Variants in MTERF4 observed in about 807,000 individuals in gnomAD.
MTERF4 encodes transcription termination factor 4, mitochondrial.
In MTERF4, 17 loss-of-function variants were observed where a neutral mutation model predicts 22.5. That is an observed-to-expected ratio of 0.75 (90% CI 0.52 to 1.13). The LOEUF is 1.13. Among genes scored for constraint, MTERF4 ranks in the 50% most tolerant of loss-of-function variants. The probability of loss-of-function intolerance (pLI) is 0.00; values close to 1 mark genes in which losing one functional copy is unlikely to be tolerated. For missense variants in MTERF4, 420 were observed against 466.8 expected, an observed-to-expected ratio of 0.90 and a Z score of 0.92; for synonymous variants, 165 against 175.3, an observed-to-expected ratio of 0.94 and a Z score of 0.47.
At chr2:241,078,690 A>C (rs1206704699) in intron 4 of MTERF4, among the ~76,000 whole-genome samples, 1 of 151,874 alleles carries the variant, frequency 6.6e-6, no homozygotes, top group Admixed American at 6.5e-5. Context: ...TTTCTTTCTG[A>C]GGTCACGAAA....
At chr2:241,079,329 A>G (rs1165953542) in intron 4 of MTERF4, among the ~76,000 whole-genome samples, 2 of 141,362 alleles carry the variant, frequency 1.4e-5, no homozygotes, top group East Asian at 2.2e-4. Flanking sequence ...GGAGAATGGC[A>G]TGAACCCAGG....
chr2:241,053,291 C>A, the MTERF4 span: 1 of 1,598,456 alleles, frequency 6.3e-7, no homozygotes. Context: ...GTCTGCCAGC[C>A]ACACGGTGTC....
At chr2:241,058,143 A>G in the MTERF4 span, among the ~76,000 whole-genome samples, 13 of 152,348 alleles carry the variant, frequency 8.5e-5, no homozygotes, top group Admixed American at 7.8e-4. Context: ...CGTATTAGCT[A>G]TATTACTATC....
the MTERF4 span, among the ~76,000 whole-genome samples, chr2:241,057,380 A>AAAAAAAATATATATATATAT: frequency 5.9e-5 from 7 of 118,108 alleles, no homozygotes; most frequent in African/African-American, 2.7e-4. Flanking sequence ...TCCATCTCAA[A>AAAAAAAATATATATATATAT]ATATATATAT....
the MTERF4 span, among the ~76,000 whole-genome samples, chr2:241,054,440 A>G: frequency 6.6e-6 from 1 of 152,196 alleles, no homozygotes; most frequent in South Asian, 2.1e-4. Flanking sequence ...GTGGTGGCAC[A>G]TGCCTGTAGT....
chr2:241,059,524 C>A, the MTERF4 span, among the ~76,000 whole-genome samples: 1 of 152,138 alleles, frequency 6.6e-6, no homozygotes, highest in East Asian at 1.9e-4. Context: ...AACATAGACA[C>A]AACAATCCAA....
downstream of MTERF4, among the ~76,000 whole-genome samples, chr2:241,068,630 TCTGGCCTCTCCCAG>T (rs2062567700): frequency 6.6e-6 from 1 of 151,892 alleles, no homozygotes; most frequent in African/African-American, 2.4e-5. The surrounding 1 kb of genome is among the most constrained non-coding windows in gnomAD (Gnocchi z 5.3). Context: ...TTCCCCCTTC[TCTGGCCTCTCCCAG>T]CTGAACACCG....
chr2:241,082,875 T>G (rs1348498669), downstream of MTERF4, among the ~76,000 whole-genome samples: 2 of 152,164 alleles, frequency 1.3e-5, no homozygotes, highest in African/African-American at 4.8e-5. Flanking sequence ...GGTCACACAG[T>G]CCATTTAGTC....
At position 241,101,651 on chromosome 2, in the gene MTERF4, G is replaced by A. The variant is rs1380092274; in HGVS notation, c.21+602C>T. ...ACCTGGCAGTCGCTGGGGTCAGCGG[G>A]CGCGGCCCGTGGAACTGGGCTCAAG... On this transcript the variant is annotated intron_variant, in intron 1 of 3. Transcript: ENST00000391980. 2.0e-5 allele frequency among the ~76,000 whole-genome samples: 3 copies of A among 152,270 alleles called. No individual in the cohort carries two copies. In the East Asian group the frequency reaches 5.8e-4, roughly 29 times the overall value.
the MTERF4 span, among the ~76,000 whole-genome samples, chr2:241,061,257 A>T: frequency 3.3e-5 from 5 of 152,350 alleles, no homozygotes; most frequent in East Asian, 9.6e-4. Context: ...AGGCCAACAA[A>T]CATAAAAAGA....
chr2:241,068,221 A>C (rs1248970409), downstream of MTERF4, among the ~76,000 whole-genome samples: 1 of 152,178 alleles, frequency 6.6e-6, no homozygotes, highest in African/African-American at 2.4e-5. This position sits in a 1 kb window ranked among gnomAD's most constrained non-coding sequence, Gnocchi z 5.3. Context: ...ATCCGGGGGC[A>C]CACTTTCCAC....
intron 4 of MTERF4, chr2:241,081,854 C>G: frequency 7.1e-6 from 9 of 1,275,172 alleles, no homozygotes; most frequent in Non-Finnish European, 1.0e-5. Flanking sequence ...CAGCCTAGGA[C>G]TGCTGGGCCA....
intron 1 of MTERF4, among the ~76,000 whole-genome samples, chr2:241,101,650 G>A: frequency 6.6e-6 from 1 of 152,256 alleles, no homozygotes; most frequent in Non-Finnish European, 1.5e-5. Context: ...GGGGTCAGCG[G>A]GCGCGGCCCG....
chr2:241,086,876 C>T (rs572140135), downstream of MTERF4, among the ~76,000 whole-genome samples: 4 of 152,204 alleles, frequency 2.6e-5, no homozygotes, highest in African/African-American at 7.2e-5. Context: ...TACCTGCAAC[C>T]GAGGCTTAAA....
At chr2:241,044,253 A>G in the MTERF4 span, among the ~76,000 whole-genome samples, 1 of 152,250 alleles carries the variant, frequency 6.6e-6, no homozygotes, top group Non-Finnish European at 1.5e-5. Flanking sequence ...AATAAAAGGC[A>G]AAGATTGTCA....
the MTERF4 span, chr2:241,051,789 C>T: frequency 1.9e-5 from 30 of 1,557,566 alleles, no homozygotes; most frequent in Admixed American, 1.5e-4. The surrounding 1 kb of genome is among the most constrained non-coding windows in gnomAD (Gnocchi z 4.7). Flanking sequence ...AACGGGGGCA[C>T]GTGCAAGGAG....
exon 5 of MTERF4, chr2:241,074,252 G>C (rs1443855441): frequency 1.3e-5 from 2 of 150,650 alleles, no homozygotes; most frequent in Non-Finnish European, 2.9e-5. Flanking sequence ...GGGTGTGTTT[G>C]CAAGTGGCGG....
downstream of MTERF4, chr2:241,069,872 A>G: frequency 6.3e-7 from 1 of 1,584,498 alleles, no homozygotes; most frequent in Admixed American, 1.7e-5. The surrounding 1 kb of genome is among the most constrained non-coding windows in gnomAD (Gnocchi z 4.9). Flanking sequence ...TCTTGCCAGA[A>G]GACCCTGTGG....
chr2:241,080,543 A>T (rs1011967834), intron 4 of MTERF4, among the ~76,000 whole-genome samples: 1 of 152,150 alleles, frequency 6.6e-6, no homozygotes, highest in African/African-American at 2.4e-5. Context: ...ATGTGGACAA[A>T]ATAAGCCCAG....
Sources: gnomAD v4.1 joint callset for allele counts (sites outside exome capture counted in the v4.1 genomes callset) on GRCh38, gnomAD v4.1.1 for gene constraint, Gnocchi (gnomAD v3.1) non-coding constraint, MANE v1.5 for transcripts, NCBI Gene and HGNC (gene_info 2026-07-23, HGNC 2026-07-21) for gene names.